Variants in TMEM171 observed in about 807,000 individuals in gnomAD.
The protein encoded by TMEM171 is proline-rich protein PRP2.
TMEM171 carries 16 observed loss-of-function variants against 19.1 expected under a neutral mutation model. The ratio of observed to expected loss-of-function variants is 0.84; its 90% CI spans 0.57 to 1.27. The LOEUF (loss-of-function observed/expected upper bound fraction) is 1.27. Among genes scored for constraint, TMEM171 ranks in the 50% most tolerant of loss-of-function variants. TMEM171 has a pLI of 0.00. For missense variants in TMEM171, 429 were observed against 412.7 expected (o/e 1.04, Z -0.34); for synonymous variants, 153 against 163.4 (o/e 0.94, Z 0.48).
chr5:73,121,681 T>A (rs1418825284), intron 1 of TMEM171, among the ~76,000 whole-genome samples: 2 of 152,216 alleles, frequency 1.3e-5, no homozygotes, highest in Admixed American at 6.5e-5. Context: ...TTCTCCAACT[T>A]CCTTCTGATT....
chr5:73,130,700 C>T (rs1169524142), intron 3 of TMEM171, among the ~76,000 whole-genome samples: 1 of 152,020 alleles, frequency 6.6e-6, no homozygotes, highest in Non-Finnish European at 1.5e-5. Context: ...ATTGGCTTTA[C>T]AGCTTCATAT....
rs868438923 is a variant in TMEM171, at chr5:73,127,392, T to A, written c.641-998T>A. ...GGTAAAAAAAAAAAAAAAATATATA[T>A]ATATATATATATATAAAGCATAAAC... On this transcript the variant is annotated intron_variant, in intron 2 of 3. Coordinates refer to ENST00000454765, the MANE Select transcript of TMEM171 (RefSeq NM_173490.8). 4.7e-3 allele frequency among the ~76,000 whole-genome samples: 565 copies of A among 120,024 alleles called. 6 individuals carry two copies. The highest frequency in any genetic ancestry group is 0.012 in the South Asian group (45 of 3,730). 78.7% of individuals were successfully genotyped at this position (120,024 alleles called of 152,430 possible). A position where few individuals can be genotyped will look rare whatever the true frequency, so the allele number is the denominator to read the frequency against.
intron 2 of TMEM171, among the ~76,000 whole-genome samples, chr5:73,127,840 A>G (rs2112924683): frequency 6.6e-6 from 1 of 151,954 alleles, no homozygotes; most frequent in Admixed American, 6.6e-5. Flanking sequence ...TCCTGGGCTC[A>G]AGCAGTCCTC....
intron 3 of TMEM171, among the ~76,000 whole-genome samples, chr5:73,129,601 C>T (rs943815610): frequency 2.6e-5 from 4 of 152,134 alleles, no homozygotes; most frequent in Non-Finnish European, 5.9e-5. Flanking sequence ...CCACTGCACT[C>T]CAGCCTGGGC....
chr5:73,120,784 C>T (rs1463558912), intron 1 of TMEM171, 88 bp downstream of exon 1: 1 of 975,578 alleles, frequency 1.0e-6, no homozygotes, highest in East Asian at 1.1e-4. Context: ...GGAGCCGCGG[C>T]AGCGCGGAGG....
intron 2 of TMEM171, among the ~76,000 whole-genome samples, chr5:73,125,984 C>T (rs1375633705): frequency 1.3e-5 from 2 of 152,182 alleles, no homozygotes; most frequent in Non-Finnish European, 2.9e-5. Flanking sequence ...AGACAGCTCT[C>T]CTTGGAGGGG....
chr5:73,122,510 A>G (rs1021143870), intron 1 of TMEM171, among the ~76,000 whole-genome samples: 15 of 152,172 alleles, frequency 9.9e-5, no homozygotes, highest in African/African-American at 3.4e-4. Context: ...GGCTCAAGCA[A>G]TCCTCCCACC....
In TMEM171 at chr5:73,131,602, G is replaced by T; in HGVS notation, c.847G>T (p.Gly283Trp). The stretch of plus-strand genomic sequence containing the variant: ...CTGTGAATCTATATATACCATTTCT[G>T]GGACGAATTCATCTTCTGAGGCCTC... ...RDCESIYTIS[G>W]TNSSSEASHT... is the part of the protein sequence containing the mutation. Residue 283 changes from glycine (G) to tryptophan (W), a missense_variant, in exon 4 of 4, where the codon GGG becomes TGG. Gly to Trp is a radical substitution (Grantham distance 184, BLOSUM62 -2). Transcript: ENST00000454765. 1 of 1,613,434 alleles carries T rather than the reference G, an allele frequency of 6.2e-7. No individual in the cohort carries two copies. The highest frequency in any genetic ancestry group is 8.5e-7 in the Non-Finnish European group (1 of 1,179,848).
rs567613523 is a variant in TMEM171 at position 73,122,645 on chromosome 5, T to C, written c.-68-661T>C. ...AACTCCTGAGCTCAAGCAATCTGCC[T>C]GCCTCTGCCTCCCAAAGTGCTGGGA... On this transcript the variant is annotated intron_variant, in intron 1 of 3. Coordinates refer to ENST00000454765, the MANE Select transcript of TMEM171 (RefSeq NM_173490.8). 2.0e-5 allele frequency among the ~76,000 whole-genome samples: 3 copies of C among 152,296 alleles called. No homozygotes were observed. The East Asian group carries it at 5.8e-4, about 29-fold the overall frequency.
intron 2 of TMEM171, among the ~76,000 whole-genome samples, chr5:73,126,570 G>A (rs972384972): frequency 3.9e-5 from 6 of 152,176 alleles, no homozygotes; most frequent in Middle Eastern, 3.2e-3. Context: ...TCTGTGCTCC[G>A]CACTGTGTTC....
chr5:73,131,708 C>T lies in TMEM171; in HGVS notation c.953C>T (p.Ser318Phe), dbSNP rs1364470768. ...GCTGCAGCTACATTCTTGCCTCTAT[C>T]TTCTGAGCCTTCCCCACCGTAAACT... ...ENAAATFLPL[S>F]SEPSPP The change falls in exon 4 of 4, where the codon TCT becomes TTT. Residue 318 changes from serine (S) to phenylalanine (F), a missense_variant. Coordinates refer to ENST00000454765, the MANE Select transcript of TMEM171 (RefSeq NM_173490.8). The T allele has an allele frequency of 6.2e-7, 1 of 1,612,330 alleles. No individual in the cohort carries two copies. The highest frequency in any genetic ancestry group is 1.3e-5 in the African/African-American group (1 of 74,868).
intron 3 of TMEM171, 39 bp from the exon 4 acceptor site, chr5:73,131,499 T>TAGTGA: frequency 6.6e-7 from 1 of 1,508,348 alleles, no homozygotes. Context: ...GTCACTGTTT[T>TAGTGA]CATCCCCTCC....
intron 2 of TMEM171, among the ~76,000 whole-genome samples, chr5:73,124,414 T>A (rs1444661500): frequency 6.6e-6 from 1 of 152,222 alleles, no homozygotes; most frequent in Non-Finnish European, 1.5e-5. Context: ...CATAGCATTT[T>A]AGTTGTGGGA....
intron 3 of TMEM171, among the ~76,000 whole-genome samples, chr5:73,130,852 C>A (rs1744336008): frequency 6.6e-6 from 1 of 152,058 alleles, no homozygotes; most frequent in South Asian, 2.1e-4. Context: ...TTCCCCAAAC[C>A]CTAAAATCAG....
At chr5:73,124,254 A>T (rs1376678311) in intron 2 of TMEM171, among the ~76,000 whole-genome samples, 2 of 152,182 alleles carry the variant, frequency 1.3e-5, no homozygotes, top group Admixed American at 1.3e-4. Context: ...TTTGCAAAGC[A>T]TTGGGATATT....
At chr5:73,127,382 A>ATATATATATATATAT (rs879892153) in intron 2 of TMEM171, among the ~76,000 whole-genome samples, 23 of 68,284 alleles carry the variant, frequency 3.4e-4, no homozygotes, top group African/African-American at 1.6e-3. Context: ...AAAAAAAAAA[A>ATATATATATATATAT]AAATATATAT....
intron 2 of TMEM171, among the ~76,000 whole-genome samples, chr5:73,127,384 A>AAAAAAAAT: frequency 3.3e-4 from 27 of 81,678 alleles, no homozygotes; most frequent in African/African-American, 1.8e-3. Flanking sequence ...AAAAAAAAAA[A>AAAAAAAAT]ATATATATAT....
At position 73,123,855 on chromosome 5, in the gene TMEM171, T is replaced by C; in HGVS notation, c.482T>C (p.Leu161Pro). ...GDSEPRMCGF[L>P]SLQIMGPLIV... ...TCAGAGCCCCGGATGTGTGGGTTCC[T>C]TTCTCTGCAGATCATGGGGCCCTTG... Residue 161 changes from leucine to proline, a missense_variant, in exon 2 of 4, where the codon CTT becomes CCT. Leu to Pro is a moderately conservative substitution (Grantham distance 98). Coordinates refer to ENST00000454765, the MANE Select transcript of TMEM171 (RefSeq NM_173490.8). 1 of 1,613,944 alleles carries C rather than the reference T, an allele frequency of 6.2e-7. No homozygotes were observed. The highest frequency in any genetic ancestry group is 1.1e-5 in the South Asian group (1 of 91,044).
chr5:73,131,447 C>A, intron 3 of TMEM171, 91 bp from the exon 4 acceptor site: 1 of 984,586 alleles, frequency 1.0e-6, no homozygotes, highest in Non-Finnish European at 1.4e-6. Flanking sequence ...CTCTTAAGTG[C>A]ATGTAATCAA....
Sources: allele counts gnomAD v4.1 joint callset (sites outside exome capture counted in the v4.1 genomes callset), GRCh38; gene constraint gnomAD v4.1.1; transcripts MANE v1.5; gene names NCBI Gene and HGNC (gene_info 2026-07-23, HGNC 2026-07-21).